The following GTF2IRD1 variants were observed in gnomAD, a reference collection of about 807,000 sequenced individuals.
GTF2IRD1 encodes GTF2I repeat domain containing 1.
In GTF2IRD1, 26 loss-of-function variants were observed where a neutral mutation model predicts 113.2. That is an observed-to-expected ratio of 0.23 (90% confidence interval 0.17 to 0.32). The LOEUF (loss-of-function observed/expected upper bound fraction) is 0.32, where lower values mean the gene tolerates loss of function less well. Ranked by LOEUF, GTF2IRD1 falls within the 10% of genes least tolerant of loss-of-function variation. GTF2IRD1 has a pLI of 1.00. For missense variants in GTF2IRD1, 864 were observed against 1,280.8 expected (o/e 0.67, Z 4.97); for synonymous variants, 484 against 529.1 (o/e 0.91, Z 1.17).
At chr7:74,511,139 C>G (rs1331662028) in intron 2 of GTF2IRD1, among the ~76,000 whole-genome samples, 1 of 152,106 alleles carries the variant, frequency 6.6e-6, no homozygotes, top group Non-Finnish European at 1.5e-5. Flanking sequence ...TATAGTTATC[C>G]TAGCAGTGCG....
intron 1 of GTF2IRD1, among the ~76,000 whole-genome samples, chr7:74,471,211 C>T (rs143702137): frequency 3.4e-4 from 51 of 152,172 alleles, no homozygotes; most frequent in South Asian, 1.2e-3. Context: ...GTTTTGATTA[C>T]GGTGGCAGTC....
rs575136872 is a variant in GTF2IRD1, at chr7:74,496,261, T to C, written c.-6-11814T>C. Among the ~76,000 whole-genome samples the C allele has an allele frequency of 2.8e-3, 416 of 148,290 alleles. 1 individual carries two copies. Among genetic ancestry groups the C allele is most frequent in the African/African-American group, 1.0e-2 (400 of 40,116 alleles). ...GTGTGTGGGTGTCTGCATATGTGTGTATGCATGTGAGTGGGTATGCGTGTG... is the reference window on the plus strand; with the variant it reads ...GTGTGTGGGTGTCTGCATATGTGTGCATGCATGTGAGTGGGTATGCGTGTG... On this transcript the variant is annotated intron_variant, in intron 1 of 26. Transcript: ENST00000424337.
intron 22 of GTF2IRD1, among the ~76,000 whole-genome samples, chr7:74,586,734 G>A (rs1301021185): frequency 6.6e-6 from 1 of 152,200 alleles, no homozygotes; most frequent in East Asian, 1.9e-4. Flanking sequence ...GCTTGCGCAC[G>A]GGAGGCCAAG....
rs1336789167 is a variant in GTF2IRD1, at chr7:74,527,942, G to A, written c.1091-1792G>A. Among the ~76,000 whole-genome samples the A allele has an allele frequency of 2.0e-5, 3 of 152,232 alleles. No homozygotes were observed. The East Asian group carries it at 5.8e-4, about 29-fold the overall frequency. On this transcript the variant is annotated intron_variant, in intron 8 of 26. Coordinates refer to ENST00000424337, the MANE Select transcript of GTF2IRD1 (RefSeq NM_005685.4). ...CAAGTCTGGGAAAACAGAGCAAGTA[G>A]CCTGGGCATGAGCCTGGATTCTGTC...
intron 1 of GTF2IRD1, among the ~76,000 whole-genome samples, chr7:74,464,592 C>T (rs1478875544): frequency 1.3e-5 from 2 of 151,976 alleles, no homozygotes; most frequent in African/African-American, 2.4e-5. Context: ...GGATTACAGG[C>T]ACCTGCCACC....
intron 2 of GTF2IRD1, 76 bp downstream of exon 2, chr7:74,508,279 C>T: frequency 2.0e-6 from 3 of 1,492,802 alleles, no homozygotes; most frequent in Non-Finnish European, 2.7e-6. Flanking sequence ...AGTCCTACCT[C>T]AGCTACTCGA....
chr7:74,531,599 G>A (rs782425367), intron 9 of GTF2IRD1, among the ~76,000 whole-genome samples: 3 of 151,782 alleles, frequency 2.0e-5, no homozygotes, highest in Non-Finnish European at 2.9e-5. Context: ...AAGGAGCCAG[G>A]GGCTGAGCAC....
intron 1 of GTF2IRD1, among the ~76,000 whole-genome samples, chr7:74,460,369 A>G (rs1450003914): frequency 6.6e-6 from 1 of 152,038 alleles, no homozygotes; most frequent in Non-Finnish European, 1.5e-5. Flanking sequence ...TCCTGGGCTC[A>G]ATGTGATCCT....
In GTF2IRD1 at chr7:74,593,352, A is replaced by G. The variant is rs587601585; in HGVS notation, c.2592-1662A>G. Among the ~76,000 whole-genome samples the G allele has an allele frequency of 2.8e-3, 334 of 119,408 alleles. 1 individual carries two copies. Among genetic ancestry groups the G allele is most frequent in the African/African-American group, 0.01 (314 of 30,762 alleles). The allele number at this position is 119,408 out of a possible 152,430, so 78.3% of individuals were successfully genotyped here. ...GCACTTTGGGAGGCCGAGGTGGGTG[A>G]ATCACCTGAGGTCAGGAGTTCGAGA... On this transcript the variant is annotated intron_variant, in intron 24 of 26. Transcript: ENST00000424337.
chr7:74,515,379 G>T, intron 3 of GTF2IRD1, 62 bp from the exon 4 acceptor site: 1 of 1,545,994 alleles, frequency 6.5e-7, no homozygotes, highest in Middle Eastern at 1.7e-4. Context: ...CGACATCCCA[G>T]CTCGAAGGCC....
chr7:74,525,043 AAAAC>A (rs1345548570), intron 8 of GTF2IRD1, among the ~76,000 whole-genome samples: 13 of 152,058 alleles, frequency 8.5e-5, no homozygotes, highest in Non-Finnish European at 1.5e-4. Context: ...TCTCTACAAA[AAAAC>A]AAACAAAACA....
intron 17 of GTF2IRD1, among the ~76,000 whole-genome samples, chr7:74,547,697 C>T (rs1554353752): frequency 6.6e-6 from 1 of 151,744 alleles, no homozygotes; most frequent in Admixed American, 6.6e-5. Flanking sequence ...CCTCAGCCTC[C>T]CAAAGTGCTG....
In GTF2IRD1 at chr7:74,602,504, T is replaced by G; in HGVS notation, c.*71T>G. 7.6e-7 allele frequency: 1 copy of G among 1,323,368 alleles called. No individual in the cohort carries two copies. The highest frequency in any genetic ancestry group is 1.1e-6 in the Non-Finnish European group (1 of 919,066). The allele number at this position is 1,323,368 out of a possible 1,614,324, so 82.0% of individuals were successfully genotyped here. ...TGTAATTTATGTACAAAATGTATAT[T>G]CGGATATGTATCGATGCCTTTTAGT... On this transcript the variant is annotated 3_prime_UTR_variant, in exon 27 of 27. Transcript: ENST00000424337.
intron 8 of GTF2IRD1, 50 bp from the exon 9 acceptor site, chr7:74,529,683 TG>T: frequency 6.4e-7 from 1 of 1,558,978 alleles, no homozygotes; most frequent in Non-Finnish European, 8.8e-7. Flanking sequence ...GGGTCCTGTG[TG>T]TCCAGCAGCC....
chr7:74,537,972 G>A (rs1392035185), intron 11 of GTF2IRD1, among the ~76,000 whole-genome samples, 164 bp from the exon 12 acceptor site: 1 of 152,254 alleles, frequency 6.6e-6, no homozygotes, highest in African/African-American at 2.4e-5. Flanking sequence ...CTGTCTTCCT[G>A]GTGGAGGTGG....
At chr7:74,504,462 C>T (rs1796197195) in intron 1 of GTF2IRD1, among the ~76,000 whole-genome samples, 1 of 152,088 alleles carries the variant, frequency 6.6e-6, no homozygotes, top group Non-Finnish European at 1.5e-5. Flanking sequence ...GCCCAGTTGG[C>T]TGTGTGTCAG....
At chr7:74,581,290 G>A (rs1801406525) in intron 22 of GTF2IRD1, among the ~76,000 whole-genome samples, 1 of 152,210 alleles carries the variant, frequency 6.6e-6, no homozygotes, top group Non-Finnish European at 1.5e-5. Context: ...TCAAAGTGTT[G>A]GGATGAAAGG....
intron 25 of GTF2IRD1, among the ~76,000 whole-genome samples, chr7:74,598,154 T>G (rs1802534525): frequency 6.6e-6 from 1 of 151,210 alleles, no homozygotes; most frequent in South Asian, 2.1e-4. Flanking sequence ...GGCCGGAAGG[T>G]GGAGGCTGCA....
At chr7:74,594,010 C>A (rs751302159) in intron 24 of GTF2IRD1, among the ~76,000 whole-genome samples, 1 of 151,862 alleles carries the variant, frequency 6.6e-6, no homozygotes, top group Middle Eastern at 3.4e-3. Flanking sequence ...CCAGCCTGGC[C>A]AACATAGTGA....
Sources: allele counts gnomAD v4.1 joint callset (sites outside exome capture counted in the v4.1 genomes callset), GRCh38; gene constraint gnomAD v4.1.1; transcripts MANE v1.5; gene names NCBI Gene and HGNC (gene_info 2026-07-23, HGNC 2026-07-21).